Variants in OR56A3 observed in about 807,000 individuals in gnomAD.
The protein encoded by OR56A3 is olfactory receptor 56A3.
Under a neutral mutation model 17.5 loss-of-function variants are expected in OR56A3, and 23 were observed. That is an observed-to-expected ratio of 1.32 (90% CI 0.95 to 1.87). The LOEUF is 1.87. Among genes scored for constraint, OR56A3 ranks in the 40% most tolerant of loss-of-function variants. OR56A3 has a pLI of 0.00. For synonymous variants in OR56A3, 175 were observed against 150.6 expected, an observed-to-expected ratio of 1.16 and a Z score of -1.19; for missense variants, 366 against 380.1, an observed-to-expected ratio of 0.96 and a Z score of 0.31.
chr11:6,008,213 C>T, the OR56A3 span, among the ~76,000 whole-genome samples: 7 of 152,076 alleles, frequency 4.6e-5, no homozygotes, highest in Non-Finnish European at 1.0e-4. Flanking sequence ...GTTTCCTCCC[C>T]ACAACTTCTG....
At chr11:5,982,298 G>A in the OR56A3 span, among the ~76,000 whole-genome samples, 7 of 152,164 alleles carry the variant, frequency 4.6e-5, no homozygotes, top group African/African-American at 1.4e-4. Context: ...GTTTGTGTAC[G>A]TGTATGTGCA....
the OR56A3 span, among the ~76,000 whole-genome samples, chr11:5,958,753 A>G: frequency 2.6e-5 from 4 of 152,114 alleles, no homozygotes; most frequent in Non-Finnish European, 4.4e-5. Flanking sequence ...AATTGCAATT[A>G]TGTATCCTTT....
At chr11:6,015,524 G>T in the OR56A3 span, among the ~76,000 whole-genome samples, 1 of 152,208 alleles carries the variant, frequency 6.6e-6, no homozygotes, top group Non-Finnish European at 1.5e-5. Context: ...CTTGCATCCT[G>T]TGCCTGGAAA....
the OR56A3 span, chr11:5,994,850 T>C: frequency 5.2e-6 from 4 of 761,970 alleles, no homozygotes; most frequent in Admixed American, 1.7e-5. Flanking sequence ...CTTCTAGTTC[T>C]CAGTCTCCAG....
At chr11:5,985,889 G>A in the OR56A3 span, 5 of 1,501,600 alleles carry the variant, frequency 3.3e-6, no homozygotes, top group Non-Finnish European at 4.5e-6. Context: ...CAGGCTCCTG[G>A]CTGTGGTCCG....
At chr11:6,021,990 G>A in the OR56A3 span, 2 of 152,150 alleles carry the variant, frequency 1.3e-5, no homozygotes, top group African/African-American at 4.8e-5. Context: ...AAATCACAAT[G>A]GGATCTGATG....
At chr11:6,004,298 G>T in the OR56A3 span, among the ~76,000 whole-genome samples, 1 of 152,112 alleles carries the variant, frequency 6.6e-6, no homozygotes, top group Admixed American at 6.5e-5. Flanking sequence ...AGGTTGCAGT[G>T]AGCCGAGATC....
the OR56A3 span, among the ~76,000 whole-genome samples, chr11:5,975,522 A>G: frequency 1.3e-5 from 2 of 151,854 alleles, no homozygotes; most frequent in Non-Finnish European, 2.9e-5. Flanking sequence ...CCATGTCTCT[A>G]CAAAGGACAT....
chr11:6,015,227 G>C, the OR56A3 span, among the ~76,000 whole-genome samples: 2 of 152,290 alleles, frequency 1.3e-5, no homozygotes, highest in East Asian at 3.9e-4. Context: ...GACCTTCACA[G>C]TAGCCCCTTC....
At chr11:5,993,874 T>C in the OR56A3 span, 1 of 508,484 alleles carries the variant, frequency 2.0e-6, no homozygotes, top group Non-Finnish European at 3.6e-6. Flanking sequence ...CTCTGCTGGC[T>C]TAATGTCTCA....
chr11:5,993,041 C>G, the OR56A3 span, among the ~76,000 whole-genome samples: 1 of 152,146 alleles, frequency 6.6e-6, no homozygotes, highest in African/African-American at 2.4e-5. Flanking sequence ...CCTCCCTATT[C>G]AAGTTAGTGC....
the OR56A3 span, among the ~76,000 whole-genome samples, chr11:5,959,772 T>C: frequency 2.0e-5 from 3 of 152,230 alleles, no homozygotes; most frequent in African/African-American, 4.8e-5. Context: ...GTTTCTCTTA[T>C]GTTTTCTCTA....
the OR56A3 span, among the ~76,000 whole-genome samples, chr11:5,993,292 A>G: frequency 1.1e-4 from 17 of 152,340 alleles, no homozygotes; most frequent in South Asian, 1.7e-3. Flanking sequence ...GGATTGAGAC[A>G]TGATCAAAAT....
At chr11:5,994,175 C>G in the OR56A3 span, 1 of 513,684 alleles carries the variant, frequency 1.9e-6, no homozygotes. Context: ...ATCTGCAGGG[C>G]ATAGCAGGCC....
chr11:6,016,481 C>A, the OR56A3 span, among the ~76,000 whole-genome samples: 1 of 152,078 alleles, frequency 6.6e-6, no homozygotes, highest in Non-Finnish European at 1.5e-5. Context: ...CCAACTAACA[C>A]TATAGTTACA....
At chr11:5,955,986 T>C (rs1847930371), downstream of OR56A3, among the ~76,000 whole-genome samples, 1 of 152,254 alleles carries the variant, frequency 6.6e-6, no homozygotes, top group East Asian at 1.9e-4. Flanking sequence ...ACTTTTATTA[T>C]TATTTTCACA....
chr11:5,945,579 TAA>T (rs3082300), intron 2 of OR56A3, among the ~76,000 whole-genome samples: 1,738 of 114,518 alleles, frequency 0.015, 17 homozygotes, highest in Middle Eastern at 0.019. Context: ...AGACCCCATA[TAA>T]AAAAAAAAAA....
At chr11:5,969,226 A>T in the OR56A3 span, among the ~76,000 whole-genome samples, 1 of 152,254 alleles carries the variant, frequency 6.6e-6, no homozygotes, top group African/African-American at 2.4e-5. Flanking sequence ...ATTAACATTT[A>T]TAACCACTAA....
chr11:5,993,302 T>A, the OR56A3 span, among the ~76,000 whole-genome samples: 1 of 152,132 alleles, frequency 6.6e-6, no homozygotes, highest in Non-Finnish European at 1.5e-5. Context: ...ATGATCAAAA[T>A]CTCATTAGCA....
Sources: allele counts gnomAD v4.1 joint callset (sites outside exome capture counted in the v4.1 genomes callset), GRCh38; gene constraint gnomAD v4.1.1; transcripts MANE v1.5; gene names NCBI Gene and HGNC (gene_info 2026-07-23, HGNC 2026-07-21).